GRIN2B: variants seen among roughly 807,000 people sequenced by gnomAD.
GRIN2B encodes glutamate receptor ionotropic, NMDA 2B.
Under a neutral mutation model 114.5 loss-of-function variants are expected in GRIN2B, and 5 were observed. The observed-to-expected ratio is 0.04, with a 90% CI of 0.02 to 0.09. GRIN2B has a LOEUF of 0.09. Ranked by LOEUF, GRIN2B falls within the 10% of genes least tolerant of loss-of-function variation. The probability of loss-of-function intolerance (pLI) is 1.00; values close to 1 mark genes in which losing one functional copy is unlikely to be tolerated. For missense variants in GRIN2B, 1,108 were observed against 1,943.5 expected (o/e 0.57, Z 8.08); for synonymous variants, 787 against 745.1 (o/e 1.06, Z -0.92).
intron 10 of GRIN2B, among the ~76,000 whole-genome samples, chr12:13,584,233 A>G (rs540733842): frequency 1.3e-5 from 2 of 152,230 alleles, no homozygotes; most frequent in South Asian, 2.1e-4. Flanking sequence ...CTCTGCCCCA[A>G]AAGCCCTGGA....
intron 4 of GRIN2B, among the ~76,000 whole-genome samples, chr12:13,726,532 CA>C (rs1329851489): frequency 7.2e-6 from 1 of 138,658 alleles, no homozygotes; most frequent in Admixed American, 7.1e-5. Flanking sequence ...GAGACTCTGT[CA>C]AAAAAAAGAA....
At chr12:13,699,594 T>A (rs1190427149) in intron 4 of GRIN2B, among the ~76,000 whole-genome samples, 1 of 143,214 alleles carries the variant, frequency 7.0e-6, no homozygotes, top group Non-Finnish European at 1.5e-5. Context: ...AAAAAAATAA[T>A]TTTTTTTTTT....
intron 5 of GRIN2B, among the ~76,000 whole-genome samples, chr12:13,631,591 G>C (rs1201571803): frequency 6.6e-6 from 1 of 152,222 alleles, no homozygotes; most frequent in Non-Finnish European, 1.5e-5. Context: ...ACTGGGCTAA[G>C]TGGTAGGTTT....
chr12:13,711,281 GA>G (rs1163492974), intron 4 of GRIN2B, among the ~76,000 whole-genome samples: 1 of 151,890 alleles, frequency 6.6e-6, no homozygotes, highest in Non-Finnish European at 1.5e-5. Context: ...AACCCTAGAA[GA>G]AAACCTAGGC....
intron 2 of GRIN2B, among the ~76,000 whole-genome samples, chr12:13,915,679 G>A (rs1167758237): frequency 5.9e-5 from 9 of 152,078 alleles, no homozygotes; most frequent in Non-Finnish European, 1.2e-4. Flanking sequence ...TTAATTTACA[G>A]GTAAATAGCC....
In GRIN2B at chr12:13,722,735, G is replaced by A. The variant is rs561437800; in HGVS notation, c.1010+30582C>T. Among the ~76,000 whole-genome samples, 5 of 152,200 alleles carry A rather than the reference G, an allele frequency of 3.3e-5. No individual in the cohort carries two copies. The East Asian group carries it at 5.8e-4, about 18-fold the overall frequency. ...TGTAGCTGGAGTGCTGGGCTGACTC[G>A]AGTGACGATTTGAGATCCGTGGCTT... is the stretch of plus-strand genomic sequence containing the variant. On this transcript the variant is annotated intron_variant, in intron 4 of 13. Transcript: ENST00000609686.
At chr12:13,812,930 A>ATTTTTTTTTTTTTTTTTTTTTTTTTTTT (rs34773248) in intron 3 of GRIN2B, among the ~76,000 whole-genome samples, 2 of 118,392 alleles carry the variant, frequency 1.7e-5, no homozygotes, top group Non-Finnish European at 3.4e-5. Flanking sequence ...AGTTTTGGGA[A>ATTTTTTTTTTTTTTTTTTTTTTTTTTTT]TTTTTTTTTT....
chr12:13,754,886 C>T (rs1863550539), intron 3 of GRIN2B, among the ~76,000 whole-genome samples: 1 of 152,136 alleles, frequency 6.6e-6, no homozygotes, highest in Non-Finnish European at 1.5e-5. Flanking sequence ...AAATGTCTCC[C>T]ATTTTAAGCT....
At chr12:13,898,079 G>A (rs1227368562) in intron 2 of GRIN2B, among the ~76,000 whole-genome samples, 1 of 152,016 alleles carries the variant, frequency 6.6e-6, no homozygotes, top group Non-Finnish European at 1.5e-5. Context: ...AAGGCTTATT[G>A]TTAATGAGGA....
rs1425165471 is a variant in GRIN2B, at chr12:13,607,349, TAAAA to T, written c.2010+1250_2010+1253del. Among the ~76,000 whole-genome samples, 494 of 52,932 alleles carry T rather than the reference TAAAA, an allele frequency of 9.3e-3. 37 individuals carry two copies. The Admixed American group carries it at 0.096, about 10-fold the overall frequency. 34.7% of individuals were successfully genotyped at this position (52,932 alleles called of 152,430 possible). A position where few individuals can be genotyped will look rare whatever the true frequency, so the allele number is the denominator to read the frequency against. On this transcript the variant is annotated intron_variant, in intron 10 of 13. Transcript: ENST00000609686. ...TATAATATATATTATATATAATATA[TAAAA>T]TATATAATATATATTATATATTATA... is the stretch of plus-strand genomic sequence containing the variant.
At chr12:13,610,550 C>T (rs1591639866) in intron 9 of GRIN2B, among the ~76,000 whole-genome samples, 1 of 152,154 alleles carries the variant, frequency 6.6e-6, no homozygotes. Context: ...TTGTACCATG[C>T]CATGGAGACA....
intron 10 of GRIN2B, among the ~76,000 whole-genome samples, chr12:13,590,701 A>G (rs763346131): frequency 2.6e-5 from 4 of 152,154 alleles, no homozygotes; most frequent in African/African-American, 4.8e-5. Flanking sequence ...TAGTGCTGCA[A>G]TAAACATATG....
chr12:13,722,032 C>G (rs78161740), intron 4 of GRIN2B, among the ~76,000 whole-genome samples: 13,538 of 152,074 alleles, frequency 0.089, 761 homozygotes, highest in East Asian at 0.24. Flanking sequence ...AGTAGACTGA[C>G]TATTGGATTT....
chr12:13,899,775 C>T (rs1265685768), intron 2 of GRIN2B, among the ~76,000 whole-genome samples: 1 of 130,004 alleles, frequency 7.7e-6, no homozygotes, highest in African/African-American at 2.5e-5. Flanking sequence ...GAAGACGTAG[C>T]TATGGCCATG....
At chr12:13,567,911 G>A (rs1343373677) in intron 12 of GRIN2B, among the ~76,000 whole-genome samples, 1 of 151,896 alleles carries the variant, frequency 6.6e-6, no homozygotes, top group East Asian at 1.9e-4. Context: ...TAGACAGTGG[G>A]GAATAACATA....
chr12:13,790,773 CT>C (rs1169184083), intron 3 of GRIN2B, among the ~76,000 whole-genome samples: 2 of 152,164 alleles, frequency 1.3e-5, no homozygotes, highest in South Asian at 2.1e-4. Flanking sequence ...GTTGATGAAG[CT>C]GTTAAAGTGA....
chr12:13,761,427 T>C (rs1863678038), intron 3 of GRIN2B, among the ~76,000 whole-genome samples: 1 of 152,152 alleles, frequency 6.6e-6, no homozygotes, highest in Admixed American at 6.5e-5. Context: ...GACAACTTTA[T>C]AGCCAGAAGA....
chr12:13,662,205 T>C (rs1949931129), intron 5 of GRIN2B, among the ~76,000 whole-genome samples: 1 of 152,186 alleles, frequency 6.6e-6, no homozygotes, highest in Non-Finnish European at 1.5e-5. Flanking sequence ...TATAAATCCA[T>C]ACCCATTCTC....
chr12:13,852,863 C>T (rs181910975), intron 3 of GRIN2B, among the ~76,000 whole-genome samples: 1 of 152,204 alleles, frequency 6.6e-6, no homozygotes, highest in East Asian at 1.9e-4. Flanking sequence ...CCCATTCTTA[C>T]ACCCAGAATG....
Sources: gnomAD v4.1 joint callset for allele counts (sites outside exome capture counted in the v4.1 genomes callset) on GRCh38, gnomAD v4.1.1 for gene constraint, MANE v1.5 for transcripts, NCBI Gene and HGNC (gene_info 2026-07-23, HGNC 2026-07-21) for gene names.